Variants in LRP2 observed in about 807,000 individuals in gnomAD.
The protein encoded by LRP2 is low-density lipoprotein receptor-related protein 2.
LRP2 carries 172 observed loss-of-function variants against 531.0 expected under a neutral mutation model. The observed-to-expected ratio is 0.32, with a 90% CI of 0.29 to 0.37. The LOEUF (loss-of-function observed/expected upper bound fraction) is 0.37, where lower values mean the gene tolerates loss of function less well. Ranked by LOEUF, LRP2 falls within the 10% of genes least tolerant of loss-of-function variation. The pLI is 1.00. For missense variants in LRP2, 5,167 were observed against 5,868.3 expected, an observed-to-expected ratio of 0.88 and a Z score of 3.90; for synonymous variants, 1,992 against 2,027.6, an observed-to-expected ratio of 0.98 and a Z score of 0.47.
chr2:169,248,428 C>T (rs16823029), intron 19 of LRP2, among the ~76,000 whole-genome samples: 1 of 152,080 alleles, frequency 6.6e-6, no homozygotes, highest in Non-Finnish European at 1.5e-5. Context: ...CTTTCTAGAG[C>T]CTGGCAATCC....
rs747906758 is a variant in LRP2 at position 169,246,695 on chromosome 2, A to G, written c.3190+10T>C. On this transcript the variant is annotated intron_variant, in intron 21 of 78. Transcript: ENST00000649046. ...ATCCCAGGAAATATCGCCAGTGCAT[A>G]GCTACTTACTAAGTGTGCCACATAG... is the stretch of plus-strand genomic sequence containing the variant. The G allele has an allele frequency of 8.1e-6, 13 of 1,614,028 alleles. No homozygotes were observed. In the Admixed American group the frequency reaches 8.3e-5, roughly 10 times the overall value.
Position 169,188,041 on chromosome 2 carries a change from C to T in LRP2, c.9257G>A (p.Arg3086His), listed in dbSNP as rs141866144. ...GCAGAGTTTCATCATCTCGATGCAG[C>T]GCCCATTGTCACACTTGAACTCGTG... ...PPHEFKCDNG[R>H]CIEMMKLCNH... The change falls in exon 49 of 79, where the codon CGC becomes CAC. Residue 3086 changes from arginine (R) to histidine (H), a missense_variant. Coordinates refer to ENST00000649046, the MANE Select transcript of LRP2 (RefSeq NM_004525.3). 1.1e-5 allele frequency: 17 copies of T among 1,613,960 alleles called. No homozygotes were observed. Among genetic ancestry groups the T allele is most frequent in the Middle Eastern group, 1.6e-4 (1 of 6,080 alleles).
intron 9 of LRP2, among the ~76,000 whole-genome samples, chr2:169,284,241 CTTTTTCTTT>C (rs1683781625): frequency 1.0e-5 from 1 of 100,436 alleles, no homozygotes; most frequent in Admixed American, 1.1e-4. Context: ...CTTTTCTTTT[CTTTTTCTTT>C]TTTTTCTTTT....
At chr2:169,248,493 A>G (rs944422658) in intron 19 of LRP2, among the ~76,000 whole-genome samples, 1 of 152,244 alleles carries the variant, frequency 6.6e-6, no homozygotes, top group Non-Finnish European at 1.5e-5. Flanking sequence ...AAGGAGTTCA[A>G]TAAATCTTTT....
intron 21 of LRP2, among the ~76,000 whole-genome samples, chr2:169,245,298 C>A (rs1689966334): frequency 6.6e-6 from 1 of 152,170 alleles, no homozygotes; most frequent in South Asian, 2.1e-4. Flanking sequence ...CACTCTAAAG[C>A]TCATCCTTAA....
chr2:169,281,295 G>A (rs1250534889), intron 10 of LRP2, among the ~76,000 whole-genome samples: 1 of 152,184 alleles, frequency 6.6e-6, no homozygotes, highest in Admixed American at 6.5e-5. Flanking sequence ...GGTGGCGGGG[G>A]CCTGTAATCT....
chr2:169,202,163 A>C (rs1193745141), intron 43 of LRP2, among the ~76,000 whole-genome samples: 1 of 152,174 alleles, frequency 6.6e-6, no homozygotes, highest in African/African-American at 2.4e-5. Context: ...AAAGCATGCA[A>C]TTATAGTTTA....
chr2:169,206,901 A>G lies in LRP2; in HGVS notation c.6819T>C (p.Tyr2273=), dbSNP rs767454366. ...INGENSEVIR[Y]GSRYPTPYGI... is the part of the protein sequence containing the mutation. ...CATAAGGAGTTGGGTAACGACTGCC[A>G]TAACGAATCACTTCAGAGTTCTCTC... is the stretch of plus-strand genomic sequence containing the variant. Residue 2273 remains tyrosine (Y), a synonymous_variant, in exon 39 of 79, where the codon TAT becomes TAC. Coordinates refer to ENST00000649046, the MANE Select transcript of LRP2 (RefSeq NM_004525.3). 8.7e-6 allele frequency: 14 copies of G among 1,614,196 alleles called. No individual in the cohort carries two copies. The highest frequency in any genetic ancestry group is 3.3e-5 in the Admixed American group (2 of 60,026).
chr2:169,277,682 C>A lies in LRP2; in HGVS notation c.1772+63G>T. ...ATTCTGGTCCTTTGATATTTCTCTG[C>A]AGCCATTTTATGCACTTTCCCTGCA... On this transcript the variant is annotated intron_variant, in intron 13 of 78. Transcript: ENST00000649046. The A allele has an allele frequency of 2.1e-6, 3 of 1,426,254 alleles. No individual in the cohort carries two copies. In the South Asian group the frequency reaches 3.5e-5, roughly 16 times the overall value. The allele number at this position is 1,426,254 out of a possible 1,614,324, so 88.3% of individuals were successfully genotyped here. A position where few individuals can be genotyped will look rare whatever the true frequency, so the allele number is the denominator to read the frequency against.
intron 1 of LRP2, among the ~76,000 whole-genome samples, chr2:169,355,021 A>T (rs1282553588): frequency 6.6e-6 from 1 of 152,252 alleles, no homozygotes; most frequent in Non-Finnish European, 1.5e-5. Flanking sequence ...TAAGATTCAC[A>T]GAAAAATGAA....
At chr2:169,191,753 G>A (rs1574115398) in intron 48 of LRP2, 79 bp downstream of exon 48, 8 of 1,215,314 alleles carry the variant, frequency 6.6e-6, no homozygotes, top group Middle Eastern at 2.4e-4. Context: ...CTGTGGCCAC[G>A]GGGTGCCTGA....
intron 16 of LRP2, among the ~76,000 whole-genome samples, chr2:169,262,614 G>T (rs1223264277): frequency 6.7e-6 from 1 of 149,848 alleles, no homozygotes; most frequent in Non-Finnish European, 1.5e-5. Flanking sequence ...ACAAATGGAA[G>T]AACATTCCAT....
intron 1 of LRP2, among the ~76,000 whole-genome samples, chr2:169,337,699 T>C (rs1685442297): frequency 6.6e-6 from 1 of 152,214 alleles, no homozygotes; most frequent in South Asian, 2.1e-4. Context: ...CTCCTTCCAC[T>C]GGAAACAAAA....
intron 44 of LRP2, among the ~76,000 whole-genome samples, chr2:169,200,906 C>T (rs1688183009): frequency 6.6e-6 from 1 of 152,158 alleles, no homozygotes; most frequent in Non-Finnish European, 1.5e-5. Context: ...TTCAGGCTGA[C>T]ACCAGAATCC....
chr2:169,347,467 G>C (rs1374192847), intron 1 of LRP2, among the ~76,000 whole-genome samples: 1 of 151,804 alleles, frequency 6.6e-6, no homozygotes, highest in Non-Finnish European at 1.5e-5. Context: ...TTTTTCATTA[G>C]TAGTAAACAA....
rs1351649929 is a variant in LRP2 at position 169,185,812 on chromosome 2, G to T, written c.9536C>A (p.Ala3179Asp). Reference sequence around the variant, plus strand: ...ATCTGGTTCTCGGAGGTAGCCTGGGGCACACTTACAGATGTAGGAGCCTAT... The same window carrying T: ...ATCTGGTTCTCGGAGGTAGCCTGGGTCACACTTACAGATGTAGGAGCCTAT... ...NVIGSYICKCAPGYLREPDGK... is the reference protein window; with the variant it reads ...NVIGSYICKCDPGYLREPDGK... Residue 3179 changes from alanine (A) to aspartate (D), a missense_variant, in exon 50 of 79, where the codon GCC (alanine) becomes GAC (aspartate). Physicochemically the swap from Ala to Asp is moderately radical, Grantham distance 126. Transcript: ENST00000649046. 1.2e-6 allele frequency: 2 copies of T among 1,613,660 alleles called. No homozygotes were observed. The highest frequency in any genetic ancestry group is 8.5e-7 in the Non-Finnish European group (1 of 1,179,922).
intron 1 of LRP2, among the ~76,000 whole-genome samples, chr2:169,325,498 C>T (rs781543406): frequency 6.6e-6 from 1 of 152,178 alleles, no homozygotes; most frequent in Non-Finnish European, 1.5e-5. Flanking sequence ...CATAAGTTGG[C>T]TGACAGTTCA....
chr2:169,240,926 T>A, intron 25 of LRP2, 62 bp downstream of exon 25: 5 of 1,589,262 alleles, frequency 3.1e-6, no homozygotes, highest in Non-Finnish European at 4.3e-6. Flanking sequence ...ACAATGGTGA[T>A]GCACACCAGG....
At chr2:169,239,480 G>C (rs201155233) in intron 26 of LRP2, 47 bp downstream of exon 26, 3 of 1,613,628 alleles carry the variant, frequency 1.9e-6, no homozygotes, top group Non-Finnish European at 1.7e-6. Context: ...TTGATTTTAA[G>C]CTCTGGGATG....
Sources: allele counts gnomAD v4.1 joint callset (sites outside exome capture counted in the v4.1 genomes callset), GRCh38; gene constraint gnomAD v4.1.1; transcripts MANE v1.5; gene names NCBI Gene and HGNC (gene_info 2026-07-23, HGNC 2026-07-21).